CDH12: variants seen among roughly 807,000 people sequenced by gnomAD.
CDH12 encodes the protein cadherin-12.
A neutral mutation model predicts 74.1 loss-of-function variants in CDH12; 41 were observed. That is an observed-to-expected ratio of 0.55 (90% CI 0.43 to 0.72). The LOEUF (loss-of-function observed/expected upper bound fraction) is 0.72, where lower values mean the gene tolerates loss of function less well. CDH12 is among the 30% of genes least tolerant of loss of function. The probability of loss-of-function intolerance (pLI) is 0.00; values close to 1 mark genes in which losing one functional copy is unlikely to be tolerated. For synonymous variants in CDH12, 399 were observed against 355.0 expected, an observed-to-expected ratio of 1.12 and a Z score of -1.39; for missense variants, 945 against 977.2, an observed-to-expected ratio of 0.97 and a Z score of 0.44.
chr5:22,090,606 T>TACAC (rs59054021), intron 4 of CDH12, among the ~76,000 whole-genome samples: 2,154 of 147,646 alleles, frequency 0.015, 17 homozygotes, highest in African/African-American at 0.024. Flanking sequence ...CATACATACA[T>TACAC]ACACACACAC....
intron 5 of CDH12, among the ~76,000 whole-genome samples, chr5:22,036,004 C>T (rs896811008): frequency 1.3e-5 from 2 of 152,172 alleles, no homozygotes; most frequent in African/African-American, 4.8e-5. Context: ...CTAGAAACAA[C>T]TCCCTACAGT....
At position 22,791,168 on chromosome 5, in the gene CDH12, A is replaced by C. The variant is rs115663710; in HGVS notation, c.-523+61890T>G. 6.6e-3 allele frequency among the ~76,000 whole-genome samples: 999 copies of C among 152,306 alleles called. 10 individuals carry two copies. The highest frequency in any genetic ancestry group is 0.023 in the African/African-American group (967 of 41,556). ...AATATATATCAATTACATAGCAGTT[A>C]AATTCTCCGGAAGTTTGTTTTCTCA... On this transcript the variant is annotated intron_variant, in intron 1 of 14. Coordinates refer to ENST00000382254, the MANE Select transcript of CDH12 (RefSeq NM_004061.5).
chr5:21,893,787 T>C (rs1752997828), intron 6 of CDH12, among the ~76,000 whole-genome samples: 1 of 152,000 alleles, frequency 6.6e-6, no homozygotes, highest in Non-Finnish European at 1.5e-5. Flanking sequence ...CCCAGTAGAG[T>C]TATAAAGAAA....
intron 1 of CDH12, among the ~76,000 whole-genome samples, chr5:22,507,087 C>T (rs1023128798): frequency 1.3e-5 from 2 of 151,998 alleles, no homozygotes; most frequent in African/African-American, 4.8e-5. Flanking sequence ...TATTTTCATT[C>T]GTTTCTACTA....
At chr5:22,263,929 A>G (rs1753615090) in intron 3 of CDH12, among the ~76,000 whole-genome samples, 1 of 152,046 alleles carries the variant, frequency 6.6e-6, no homozygotes, top group Non-Finnish European at 1.5e-5. Flanking sequence ...GTTCTTCACA[A>G]CTATGCTAGA....
chr5:22,332,729 T>TGATCATTAAA (rs1250366916), intron 3 of CDH12, among the ~76,000 whole-genome samples: 1 of 152,132 alleles, frequency 6.6e-6, no homozygotes, highest in African/African-American at 2.4e-5. Context: ...TCAACATCAA[T>TGATCATTAAA]GATCATTAAA....
intron 4 of CDH12, among the ~76,000 whole-genome samples, chr5:22,119,766 G>A (rs565441850): frequency 2.6e-5 from 4 of 152,116 alleles, no homozygotes; most frequent in Non-Finnish European, 5.9e-5. Flanking sequence ...TCATTTGCAT[G>A]AGAAAGAAAA....
rs76076414 is a variant in CDH12, at chr5:22,076,056, G to A, written c.231+2390C>T. On this transcript the variant is annotated intron_variant, in intron 5 of 14. Coordinates refer to ENST00000382254, the MANE Select transcript of CDH12 (RefSeq NM_004061.5). ...ATGAAAATTTAATTAGTTTCCTGAT[G>A]GAAAAGAAACCTTGGCATCCACTCT... 2.9e-3 allele frequency among the ~76,000 whole-genome samples: 447 copies of A among 152,092 alleles called. 18 individuals are homozygous for A. In the East Asian group the frequency reaches 0.08, roughly 27 times the overall value.
At chr5:21,850,083 T>TG (rs1295053197) in intron 7 of CDH12, among the ~76,000 whole-genome samples, 1 of 151,640 alleles carries the variant, frequency 6.6e-6, no homozygotes, top group African/African-American at 2.4e-5. Context: ...CTTATTTATA[T>TG]GTGGAATCTA....
intron 4 of CDH12, among the ~76,000 whole-genome samples, chr5:22,132,587 G>C (rs1431332654): frequency 6.6e-6 from 1 of 151,908 alleles, no homozygotes; most frequent in Non-Finnish European, 1.5e-5. Flanking sequence ...GGGAAACGGG[G>C]AGTAGTTGTT....
chr5:22,067,570 T>C (rs1483779284), intron 5 of CDH12, among the ~76,000 whole-genome samples: 2 of 152,136 alleles, frequency 1.3e-5, no homozygotes, highest in South Asian at 2.1e-4. Context: ...TGTTCTGCTG[T>C]TTAGGCTATA....
chr5:21,955,517 G>T lies in CDH12; in HGVS notation c.526+19574C>A, dbSNP rs140087812. 2.7e-3 allele frequency among the ~76,000 whole-genome samples: 418 copies of T among 152,098 alleles called. 3 individuals are homozygous for T. The highest frequency in any genetic ancestry group is 9.6e-3 in the African/African-American group (397 of 41,516). On this transcript the variant is annotated intron_variant, in intron 6 of 14. Coordinates refer to ENST00000382254, the MANE Select transcript of CDH12 (RefSeq NM_004061.5). ...GAGAGCTTATAAAATTTTAATGAGT[G>T]ATCAAACCAAATTTGAAGAGAAAAG...
At chr5:22,776,194 C>T (rs1296722723) in intron 1 of CDH12, among the ~76,000 whole-genome samples, 1 of 152,106 alleles carries the variant, frequency 6.6e-6, no homozygotes, top group Admixed American at 6.6e-5. Flanking sequence ...ATTTCTTGGA[C>T]AGGTTAACTA....
intron 3 of CDH12, among the ~76,000 whole-genome samples, chr5:22,391,013 T>C (rs995451998): frequency 3.9e-5 from 6 of 152,142 alleles, no homozygotes; most frequent in African/African-American, 7.2e-5. Flanking sequence ...GAGTGAACTA[T>C]AGGGTTGCAG....
At chr5:22,393,128 A>G (rs554972665) in intron 3 of CDH12, among the ~76,000 whole-genome samples, 67 of 152,286 alleles carry the variant, frequency 4.4e-4, no homozygotes, top group Non-Finnish European at 7.8e-4. Flanking sequence ...AAATAAGGAG[A>G]TCACCCCGGA....
intron 10 of CDH12, among the ~76,000 whole-genome samples, chr5:21,801,767 A>C (rs146284467): frequency 2.0e-5 from 3 of 152,330 alleles, no homozygotes; most frequent in African/African-American, 7.2e-5. Flanking sequence ...GGGGTCAGAA[A>C]TTTTAGAGTA....
chr5:22,850,806 A>G (rs1465747334), intron 1 of CDH12, among the ~76,000 whole-genome samples: 1 of 152,092 alleles, frequency 6.6e-6, no homozygotes, highest in Non-Finnish European at 1.5e-5. Flanking sequence ...TTATATTTTT[A>G]CATGAAAACA....
intron 3 of CDH12, among the ~76,000 whole-genome samples, chr5:22,358,419 A>G (rs1740656135): frequency 6.6e-6 from 1 of 152,230 alleles, no homozygotes; most frequent in Non-Finnish European, 1.5e-5. Flanking sequence ...TCTCCCAGAA[A>G]AAAAAAAGAA....
intron 3 of CDH12, among the ~76,000 whole-genome samples, chr5:22,234,320 T>G (rs1188582911): frequency 6.6e-6 from 1 of 152,120 alleles, no homozygotes; most frequent in South Asian, 2.1e-4. Flanking sequence ...GGGAAGGACC[T>G]GGAAAGGGGG....
Sources: gnomAD v4.1 joint callset for allele counts (sites outside exome capture counted in the v4.1 genomes callset) on GRCh38, gnomAD v4.1.1 for gene constraint, MANE v1.5 for transcripts, NCBI Gene and HGNC (gene_info 2026-07-23, HGNC 2026-07-21) for gene names.